Variants in CD80 observed in about 807,000 individuals in gnomAD.
CD80 encodes CD80 molecule, also known as T-lymphocyte activation antigen CD80.
A neutral mutation model predicts 27.1 loss-of-function variants in CD80; 13 were observed. That is an observed-to-expected ratio of 0.48 (90% CI 0.31 to 0.76). The LOEUF (loss-of-function observed/expected upper bound fraction) is 0.76, where lower values mean the gene tolerates loss of function less well. Ranked by LOEUF, CD80 falls within the 30% of genes least tolerant of loss-of-function variation. The pLI is 0.04. For missense variants in CD80, 277 were observed against 347.9 expected (o/e 0.80, Z 1.62); for synonymous variants, 125 against 125.5 (o/e 1.00, Z 0.03).
Position 119,537,117 on chromosome 3 carries a change from C to T in CD80, c.700+20G>A. On this transcript the variant is annotated intron_variant, in intron 4 of 6. Coordinates refer to ENST00000264246, the MANE Select transcript of CD80 (RefSeq NM_005191.4). ...TTTAGATTCGATATAGTAGAAACTC[C>T]CCAGAACAATGTCACTTACTTGTAT... The T allele has an allele frequency of 6.2e-7, 1 of 1,604,476 alleles. No homozygotes were observed. The highest frequency in any genetic ancestry group is 8.5e-7 in the Non-Finnish European group (1 of 1,172,158).
Position 119,557,647 on chromosome 3 carries a change from G to A in CD80, c.82C>T (p.Leu28Phe), listed in dbSNP as rs1379920549. The change falls in exon 2 of 7, where the codon CTT (leucine) becomes TTT (phenylalanine). Residue 28 changes from leucine to phenylalanine, a missense_variant. Physicochemically the swap from Leu to Phe is conservative, Grantham distance 22. Transcript: ENST00000264246. ...TGCTTACCTGAACAGAAGTGAGAAAGACCAGCCAGCACCAAGAGCTGAAAG... is the reference window on the plus strand; with the variant it reads ...TGCTTACCTGAACAGAAGTGAGAAAAACCAGCCAGCACCAAGAGCTGAAAG... ...NFFQLLVLAG[L>F]SHFCSGVIHV... The A allele has an allele frequency of 1.2e-6, 2 of 1,613,564 alleles. No individual in the cohort carries two copies. The highest frequency in any genetic ancestry group is 3.3e-5 in the Admixed American group (2 of 59,990).
intron 2 of CD80, among the ~76,000 whole-genome samples, chr3:119,555,159 A>G (rs2082256208): frequency 6.6e-6 from 1 of 152,154 alleles, no homozygotes; most frequent in Non-Finnish European, 1.5e-5. Flanking sequence ...TTGAATGTAA[A>G]GTAACCCCCT....
intron 4 of CD80, among the ~76,000 whole-genome samples, 183 bp from the exon 5 acceptor site, chr3:119,530,120 G>C (rs2629396): frequency 6.6e-6 from 1 of 152,014 alleles, no homozygotes; most frequent in African/African-American, 2.4e-5. Context: ...GCAACTAATA[G>C]TCAGATGTCA....
At chr3:119,527,009 T>G (rs2082070858) in intron 6 of CD80, among the ~76,000 whole-genome samples, 1 of 152,210 alleles carries the variant, frequency 6.6e-6, no homozygotes, top group Non-Finnish European at 1.5e-5. Context: ...TAGGCTCTCT[T>G]AACAGGATGG....
At chr3:119,526,900 G>T (rs9877854) in intron 6 of CD80, among the ~76,000 whole-genome samples, 123,145 of 152,158 alleles carry the variant, frequency 0.81, 49,924 homozygotes, top group East Asian at 0.87. Flanking sequence ...ATAACTACCT[G>T]GGACCTGATA....
intron 4 of CD80, among the ~76,000 whole-genome samples, 158 bp from the exon 5 acceptor site, chr3:119,530,095 G>A (rs1489747933): frequency 6.6e-6 from 1 of 152,066 alleles, no homozygotes; most frequent in African/African-American, 2.4e-5. Flanking sequence ...TCTTCAATCA[G>A]GCACATACTT....
At chr3:119,536,254 A>AAAAT (rs753503673) in intron 4 of CD80, among the ~76,000 whole-genome samples, 9 of 152,258 alleles carry the variant, frequency 5.9e-5, no homozygotes, top group African/African-American at 7.2e-5. Context: ...CTGTCTCAAA[A>AAAAT]AAATAAATAA....
At chr3:119,533,086 T>A (rs2082118561) in intron 4 of CD80, among the ~76,000 whole-genome samples, 1 of 152,232 alleles carries the variant, frequency 6.6e-6, no homozygotes, top group African/African-American at 2.4e-5. Flanking sequence ...AGGCTTCAGC[T>A]CATTCCTGGC....
At chr3:119,558,696 G>A (rs2082277013) in intron 1 of CD80, among the ~76,000 whole-genome samples, 1 of 151,406 alleles carries the variant, frequency 6.6e-6, no homozygotes, top group Non-Finnish European at 1.5e-5. Context: ...CCAGGAGGTG[G>A]AGGCTGCAGT....
intron 3 of CD80, among the ~76,000 whole-genome samples, chr3:119,541,364 T>C (rs2082167577): frequency 6.6e-6 from 1 of 152,228 alleles, no homozygotes; most frequent in South Asian, 2.1e-4. Context: ...TGCCAGTTAA[T>C]GGAGGTTTTC....
chr3:119,527,863 T>C (rs760245789), intron 5 of CD80, 22 bp from the exon 6 acceptor site: 5 of 1,595,426 alleles, frequency 3.1e-6, no homozygotes, highest in South Asian at 1.1e-5. Flanking sequence ...GAACAAACAA[T>C]AAAAATGATA....
At chr3:119,529,226 A>G (rs1039433116) in intron 5 of CD80, among the ~76,000 whole-genome samples, 1 of 152,142 alleles carries the variant, frequency 6.6e-6, no homozygotes, top group African/African-American at 2.4e-5. Flanking sequence ...CTGGGATTAC[A>G]GGCATGAGCC....
chr3:119,549,549 C>G (rs1311694852), intron 2 of CD80, among the ~76,000 whole-genome samples: 2 of 152,176 alleles, frequency 1.3e-5, no homozygotes, highest in Non-Finnish European at 2.9e-5. Flanking sequence ...TGTCTAGGGA[C>G]TTCATTTCCA....
At chr3:119,555,797 T>C (rs529746977) in intron 2 of CD80, among the ~76,000 whole-genome samples, 8 of 152,254 alleles carry the variant, frequency 5.3e-5, no homozygotes. Context: ...CCAAGAAAAG[T>C]CTCTTGGTTT....
chr3:119,557,448 T>G (rs538164392), intron 2 of CD80, among the ~76,000 whole-genome samples, 181 bp downstream of exon 2: 1 of 152,364 alleles, frequency 6.6e-6, no homozygotes, highest in African/African-American at 2.4e-5. Context: ...TGCTGTGTGA[T>G]GATAGGCAGG....
Position 119,554,610 on chromosome 3 carries a change from G to C in CD80, c.100+3019C>G, listed in dbSNP as rs560948298. On this transcript the variant is annotated intron_variant, in intron 2 of 6. Transcript: ENST00000264246. ...GAGGAGTCCCTTCCCCTGGGCATCA[G>C]TGGCTGGGCAGGAGGAGAGGGGGAA... 1.1e-4 allele frequency among the ~76,000 whole-genome samples: 16 copies of C among 152,316 alleles called. No homozygotes were observed. In the South Asian group the frequency reaches 3.1e-3, roughly 30 times the overall value.
intron 3 of CD80, among the ~76,000 whole-genome samples, chr3:119,541,756 A>G (rs548218209): frequency 2.0e-5 from 3 of 152,248 alleles, no homozygotes; most frequent in Non-Finnish European, 4.4e-5. Flanking sequence ...AATGCTTCTC[A>G]GCAAAATTAA....
intron 2 of CD80, among the ~76,000 whole-genome samples, chr3:119,553,321 G>T (rs985380722): frequency 6.6e-6 from 1 of 151,974 alleles, no homozygotes; most frequent in Non-Finnish European, 1.5e-5. Flanking sequence ...TGCATTTTTA[G>T]TAGAGACAGG....
chr3:119,544,929 G>A, intron 2 of CD80, 62 bp from the exon 3 acceptor site: 1 of 1,369,512 alleles, frequency 7.3e-7, no homozygotes, highest in Non-Finnish European at 1.0e-6. Context: ...TGCATGGTCA[G>A]GAATCCAAAG....
Sources: gnomAD v4.1 joint callset for allele counts (sites outside exome capture counted in the v4.1 genomes callset) on GRCh38, gnomAD v4.1.1 for gene constraint, MANE v1.5 for transcripts, NCBI Gene and HGNC (gene_info 2026-07-23, HGNC 2026-07-21) for gene names.